Variants in TLN2 observed in about 807,000 individuals in gnomAD.
TLN2 encodes talin 2.
Under a neutral mutation model 294.7 loss-of-function variants are expected in TLN2, and 118 were observed. That is an observed-to-expected ratio of 0.40 (90% CI 0.34 to 0.47). The LOEUF is 0.47. Among genes scored for constraint, TLN2 ranks in the 20% least tolerant of loss-of-function variants. The probability of loss-of-function intolerance (pLI) is 0.84; values close to 1 mark genes in which losing one functional copy is unlikely to be tolerated. For missense variants in TLN2, 3,083 were observed against 3,282.2 expected (o/e 0.94, Z 1.48); for synonymous variants, 1,431 against 1,304.5 (o/e 1.10, Z -2.09).
intron 57 of TLN2, among the ~76,000 whole-genome samples, chr15:62,836,320 C>A (rs1248972757): frequency 6.6e-6 from 1 of 152,264 alleles, no homozygotes; most frequent in Non-Finnish European, 1.5e-5. Flanking sequence ...CCCAACCCAG[C>A]AGACCCCTAC....
At chr15:62,766,915 C>T (rs1177177002) in intron 41 of TLN2, among the ~76,000 whole-genome samples, 1 of 152,224 alleles carries the variant, frequency 6.6e-6, no homozygotes, top group Non-Finnish European at 1.5e-5. Flanking sequence ...GTGTCCACTC[C>T]AGGGGAGCCG....
intron 1 of TLN2, among the ~76,000 whole-genome samples, chr15:62,396,648 C>T (rs940575532): frequency 2.0e-5 from 3 of 152,102 alleles, no homozygotes; most frequent in African/African-American, 7.2e-5. Context: ...TTTATCTTAA[C>T]TTTCTCTGAT....
chr15:62,404,790 A>G (rs1039594101), intron 1 of TLN2, among the ~76,000 whole-genome samples: 1 of 152,122 alleles, frequency 6.6e-6, no homozygotes, highest in African/African-American at 2.4e-5. Context: ...AGGGCTCTCT[A>G]CTGGACTCAA....
At chr15:62,797,072 C>T (rs971295391) in intron 47 of TLN2, 147 bp from the exon 48 acceptor site, 12 of 799,450 alleles carry the variant, frequency 1.5e-5, no homozygotes, top group African/African-American at 1.1e-4. Flanking sequence ...GATGAGAGTC[C>T]GTTGGTAAAG....
intron 26 of TLN2, 66 bp from the exon 27 acceptor site, chr15:62,724,910 T>C: frequency 6.5e-7 from 1 of 1,544,368 alleles, no homozygotes. Context: ...TTTTATAAGT[T>C]GCAAAAGTGT....
intron 54 of TLN2, among the ~76,000 whole-genome samples, chr15:62,824,827 T>C (rs2067898262): frequency 6.6e-6 from 1 of 152,232 alleles, no homozygotes; most frequent in African/African-American, 2.4e-5. Flanking sequence ...GAAGTATGTG[T>C]GAGTTCATTC....
chr15:62,525,855 G>T (rs559252895), intron 1 of TLN2, among the ~76,000 whole-genome samples: 51 of 152,238 alleles, frequency 3.4e-4, no homozygotes, highest in African/African-American at 1.2e-3. Flanking sequence ...CCCCTCATGC[G>T]TCTTGCTGAG....
At chr15:62,408,595 C>G (rs1233100161) in intron 1 of TLN2, among the ~76,000 whole-genome samples, 4 of 152,132 alleles carry the variant, frequency 2.6e-5, no homozygotes. Context: ...GGACCAATAT[C>G]CAAATTATTT....
chr15:62,731,354 T>G (rs1284930142), intron 28 of TLN2, among the ~76,000 whole-genome samples: 1 of 152,144 alleles, frequency 6.6e-6, no homozygotes, highest in African/African-American at 2.4e-5. Flanking sequence ...TTTTTTTCTT[T>G]AAGACTGAAC....
intron 32 of TLN2, among the ~76,000 whole-genome samples, chr15:62,746,096 G>A (rs2061594082): frequency 1.3e-5 from 2 of 152,110 alleles, no homozygotes; most frequent in Admixed American, 1.3e-4. Flanking sequence ...ATATCCTCTG[G>A]ATTCACCAAT....
chr15:62,748,482 G>T lies in TLN2; in HGVS notation c.4119+38G>T, dbSNP rs374132423. 3.1e-5 allele frequency: 46 copies of T among 1,491,646 alleles called. No homozygotes were observed. In the South Asian group the frequency reaches 4.9e-4, roughly 16 times the overall value. 92.4% of individuals were successfully genotyped at this position (1,491,646 alleles called of 1,614,324 possible). A position where few individuals can be genotyped will look rare whatever the true frequency, so the allele number is the denominator to read the frequency against. ...GAAGGCTGCTGAGGACTTGAGAGAG[G>T]GAGTGTCTGTGTCTGTGTGTCTGTG... On this transcript the variant is annotated intron_variant, in intron 33 of 58. Transcript: ENST00000636159.
intron 11 of TLN2, among the ~76,000 whole-genome samples, chr15:62,680,760 G>A (rs2056756106): frequency 2.0e-5 from 3 of 151,938 alleles, no homozygotes; most frequent in Admixed American, 2.0e-4. Context: ...AGTCTCTAAA[G>A]TTCATTATAC....
At chr15:62,501,093 T>A (rs2039280028) in intron 1 of TLN2, among the ~76,000 whole-genome samples, 1 of 152,254 alleles carries the variant, frequency 6.6e-6, no homozygotes, top group Non-Finnish European at 1.5e-5. Flanking sequence ...CCATGGGGCA[T>A]GTTATAGACC....
intron 9 of TLN2, among the ~76,000 whole-genome samples, chr15:62,672,202 G>A (rs2055517437): frequency 6.6e-6 from 1 of 151,978 alleles, no homozygotes; most frequent in Non-Finnish European, 1.5e-5. Context: ...ACATTTATTA[G>A]CTGTGATTCT....
chr15:62,826,208 C>G (rs1258460701), intron 54 of TLN2, among the ~76,000 whole-genome samples: 2 of 151,916 alleles, frequency 1.3e-5, no homozygotes, highest in Non-Finnish European at 2.9e-5. Flanking sequence ...CATTCAAGGG[C>G]CCCTTAAACA....
At chr15:62,530,493 A>T (rs554508280) in intron 1 of TLN2, among the ~76,000 whole-genome samples, 59 of 152,138 alleles carry the variant, frequency 3.9e-4, no homozygotes, top group African/African-American at 1.3e-3. Context: ...AGTAGTTGGG[A>T]TTACAGGCAC....
At chr15:62,506,501 G>A (rs77756890) in intron 1 of TLN2, among the ~76,000 whole-genome samples, 330 of 152,318 alleles carry the variant, frequency 2.2e-3, no homozygotes, top group African/African-American at 7.7e-3. Context: ...GAATTCCTAG[G>A]AACTGTGCTG....
chr15:62,745,635 G>A (rs903437782), intron 32 of TLN2, among the ~76,000 whole-genome samples: 3 of 152,114 alleles, frequency 2.0e-5, no homozygotes, highest in Non-Finnish European at 4.4e-5. Context: ...TCTGACATTA[G>A]TAATATGCTA....
chr15:62,711,482 C>T (rs1321390352), intron 21 of TLN2, among the ~76,000 whole-genome samples: 1 of 152,234 alleles, frequency 6.6e-6, no homozygotes, highest in Non-Finnish European at 1.5e-5. Flanking sequence ...CACATTAATA[C>T]AGAATTTAAA....
Sources: gnomAD v4.1 joint callset for allele counts (sites outside exome capture counted in the v4.1 genomes callset) on GRCh38, gnomAD v4.1.1 for gene constraint, MANE v1.5 for transcripts, NCBI Gene and HGNC (gene_info 2026-07-23, HGNC 2026-07-21) for gene names.